The following RORA variants were observed in gnomAD, a reference collection of about 807,000 sequenced individuals.
RORA encodes nuclear receptor ROR-alpha.
Under a neutral mutation model 69.5 loss-of-function variants are expected in RORA, and 7 were observed. The observed-to-expected ratio is 0.10, with a 90% CI of 0.06 to 0.19. The LOEUF (loss-of-function observed/expected upper bound fraction) is 0.19. Ranked by LOEUF, RORA falls within the 10% of genes least tolerant of loss-of-function variation. RORA has a pLI of 1.00. For synonymous variants in RORA, 261 were observed against 240.8 expected, an observed-to-expected ratio of 1.08 and a Z score of -0.78; for missense variants, 457 against 663.0, an observed-to-expected ratio of 0.69 and a Z score of 3.41.
chr15:60,671,092 A>ATATATATATC (rs1193498246), intron 2 of RORA, among the ~76,000 whole-genome samples: 15 of 103,034 alleles, frequency 1.5e-4, no homozygotes, highest in Admixed American at 1.4e-3. Context: ...ATATATATAT[A>ATATATATATC]TATATCTGTT....
intron 1 of RORA, among the ~76,000 whole-genome samples, chr15:60,942,977 T>C (rs1405338870): frequency 1.3e-5 from 2 of 152,272 alleles, no homozygotes; most frequent in Admixed American, 1.3e-4. Flanking sequence ...TTTTCTTTTC[T>C]GCCTTCATAG....
At chr15:60,700,982 GT>G (rs2070973296) in intron 1 of RORA, among the ~76,000 whole-genome samples, 1 of 152,158 alleles carries the variant, frequency 6.6e-6, no homozygotes, top group African/African-American at 2.4e-5. Context: ...GCCAAGCCAT[GT>G]GCCCTGGTTT....
chr15:61,224,023 TA>T (rs1238250645), intron 1 of RORA, among the ~76,000 whole-genome samples: 1 of 146,994 alleles, frequency 6.8e-6, no homozygotes, highest in Non-Finnish European at 1.5e-5. Context: ...AAAAAACCAC[TA>T]AAAAATGATA....
chr15:60,954,316 T>C (rs1205994684), intron 1 of RORA, among the ~76,000 whole-genome samples: 1 of 139,264 alleles, frequency 7.2e-6, no homozygotes, highest in East Asian at 2.3e-4. Context: ...GGGGGAGGGA[T>C]AGCATTGGGA....
chr15:61,197,354 C>T (rs2079854387), intron 1 of RORA, among the ~76,000 whole-genome samples: 2 of 152,192 alleles, frequency 1.3e-5, no homozygotes, highest in Non-Finnish European at 2.9e-5. Flanking sequence ...GGCAAGGGCT[C>T]CCCCGTTCCC....
At chr15:61,015,078 G>C (rs1895233597) in intron 1 of RORA, among the ~76,000 whole-genome samples, 1 of 152,108 alleles carries the variant, frequency 6.6e-6, no homozygotes, top group African/African-American at 2.4e-5. Context: ...TAAGATATAA[G>C]CACCTCATTA....
At chr15:60,590,046 C>T (rs1262553643) in intron 2 of RORA, among the ~76,000 whole-genome samples, 1 of 152,162 alleles carries the variant, frequency 6.6e-6, no homozygotes, top group Non-Finnish European at 1.5e-5. Flanking sequence ...CTCACTTCCC[C>T]ACAAACTATT....
intron 2 of RORA, chr15:60,544,958 G>A (rs1456114051): frequency 2.6e-5 from 4 of 152,248 alleles, no homozygotes; most frequent in Non-Finnish European, 5.9e-5. Context: ...AGCCCCCGGT[G>A]GTAACATAAA....
At chr15:60,527,173 C>T (rs2066386361) in intron 3 of RORA, among the ~76,000 whole-genome samples, 2 of 152,154 alleles carry the variant, frequency 1.3e-5, no homozygotes, top group African/African-American at 4.8e-5. Flanking sequence ...AATACTGGAT[C>T]GTGCATTATC....
intron 1 of RORA, among the ~76,000 whole-genome samples, chr15:60,766,566 C>T (rs1290642387): frequency 6.6e-6 from 1 of 152,090 alleles, no homozygotes; most frequent in East Asian, 1.9e-4. Context: ...TCAAAGTTCC[C>T]TGTATAGATG....
At chr15:60,894,918 C>T (rs944805283) in intron 1 of RORA, among the ~76,000 whole-genome samples, 1 of 152,162 alleles carries the variant, frequency 6.6e-6, no homozygotes, top group Non-Finnish European at 1.5e-5. Context: ...CACCAGGGCT[C>T]GTTGTCACAG....
chr15:60,859,731 A>G (rs1216361375), intron 1 of RORA, among the ~76,000 whole-genome samples: 1 of 117,518 alleles, frequency 8.5e-6, no homozygotes, highest in Non-Finnish European at 1.7e-5. Flanking sequence ...CAAGTTTCTT[A>G]TGTGATTTGT....
chr15:60,591,793 G>T (rs1211604756), intron 2 of RORA, among the ~76,000 whole-genome samples: 1 of 152,090 alleles, frequency 6.6e-6, no homozygotes, highest in Non-Finnish European at 1.5e-5. Flanking sequence ...AAGTGGCCGC[G>T]GCGGGACACA....
intron 5 of RORA, among the ~76,000 whole-genome samples, chr15:60,507,523 A>G (rs2065547222): frequency 6.6e-6 from 1 of 152,346 alleles, no homozygotes; most frequent in Non-Finnish European, 1.5e-5. Context: ...AACACAAATA[A>G]AAGAACAAAT....
At chr15:60,517,083 TTTTA>T (rs2065985288) in intron 3 of RORA, among the ~76,000 whole-genome samples, 1 of 147,442 alleles carries the variant, frequency 6.8e-6, no homozygotes, top group African/African-American at 2.6e-5. Flanking sequence ...GCCAATCAGA[TTTTA>T]TTTTTCTTTT....
At chr15:60,965,273 T>A (rs1359618136) in intron 1 of RORA, among the ~76,000 whole-genome samples, 1 of 152,120 alleles carries the variant, frequency 6.6e-6, no homozygotes, top group East Asian at 1.9e-4. Context: ...CTTCCCAGCA[T>A]CATTTTTCAA....
intron 1 of RORA, among the ~76,000 whole-genome samples, chr15:60,934,664 A>C (rs1892469740): frequency 6.6e-6 from 1 of 152,182 alleles, no homozygotes; most frequent in Non-Finnish European, 1.5e-5. Flanking sequence ...TTGCATTTCT[A>C]ACAAATTTCC....
chr15:60,763,065 ATTTTTTTTTTTTTTT>A (rs374433414), intron 1 of RORA, among the ~76,000 whole-genome samples: 34 of 48,372 alleles, frequency 7.0e-4, no homozygotes, highest in African/African-American at 1.4e-3. Context: ...ATATGCACAG[ATTTTTTTTTTTTTTT>A]TTTTTTTTTT....
intron 2 of RORA, among the ~76,000 whole-genome samples, chr15:60,591,228 G>T (rs929994017): frequency 1.3e-5 from 2 of 152,202 alleles, no homozygotes; most frequent in Non-Finnish European, 2.9e-5. Flanking sequence ...CCCCAAGCCT[G>T]GCGGCCGGGC....
Sources: gnomAD v4.1 joint callset for allele counts (sites outside exome capture counted in the v4.1 genomes callset) on GRCh38, gnomAD v4.1.1 for gene constraint, MANE v1.5 for transcripts, NCBI Gene and HGNC (gene_info 2026-07-23, HGNC 2026-07-21) for gene names.